The following LOC122539214 variants were observed in gnomAD, a reference collection of about 807,000 sequenced individuals.
At chr19:52,677,306 TAAAAAA>T in the LOC122539214 span, among the ~76,000 whole-genome samples, 4 of 106,464 alleles carry the variant, frequency 3.8e-5, no homozygotes, top group African/African-American at 9.5e-5. Flanking sequence ...AATTGAGAAG[TAAAAAA>T]AAAAAAAAAA....
At chr19:52,676,666 C>T in the LOC122539214 span, among the ~76,000 whole-genome samples, 2 of 139,398 alleles carry the variant, frequency 1.4e-5, no homozygotes, top group South Asian at 4.5e-4. Context: ...ATGACAATGG[C>T]GGCTTTGTGG....
chr19:52,654,403 T>C, the LOC122539214 span: 2 of 1,122,872 alleles, frequency 1.8e-6, no homozygotes, highest in African/African-American at 1.6e-5. Flanking sequence ...TAAAGAGCTA[T>C]CTAAAAAATA....
the LOC122539214 span, among the ~76,000 whole-genome samples, chr19:52,670,816 ACAGGTAAATTT>A: frequency 1.7e-4 from 26 of 152,320 alleles, no homozygotes; most frequent in East Asian, 4.6e-3. Flanking sequence ...CTTCCAGGCT[ACAGGTAAATTT>A]AAACATTTTC....
the LOC122539214 span, among the ~76,000 whole-genome samples, chr19:52,662,728 T>C: frequency 6.6e-6 from 1 of 152,092 alleles, no homozygotes; most frequent in African/African-American, 2.4e-5. Context: ...ATATTACAGA[T>C]GGGGGTCACT....
At chr19:52,653,379 G>T in the LOC122539214 span, 1 of 1,051,800 alleles carries the variant, frequency 9.5e-7, no homozygotes, top group South Asian at 1.3e-5. Context: ...GGAAAACCTT[G>T]CCACATTCAT....
chr19:52,687,840 T>A, the LOC122539214 span, among the ~76,000 whole-genome samples: 879 of 149,634 alleles, frequency 5.9e-3, 6 homozygotes, highest in African/African-American at 0.02. Flanking sequence ...ATTAATTAAT[T>A]AAATTAAAAG....
At chr19:52,684,555 AG>A in the LOC122539214 span, among the ~76,000 whole-genome samples, 19,966 of 140,088 alleles carry the variant, frequency 0.14, 1,768 homozygotes, top group African/African-American at 0.22. Flanking sequence ...GTCTAAAAAA[AG>A]AAAAAAAAAG....
chr19:52,685,491 A>T, the LOC122539214 span, among the ~76,000 whole-genome samples: 1 of 152,180 alleles, frequency 6.6e-6, no homozygotes, highest in African/African-American at 2.4e-5. Context: ...TTAAAAAAAA[A>T]TCACAGTCAC....
chr19:52,677,130 A>G, the LOC122539214 span, among the ~76,000 whole-genome samples: 1 of 44,640 alleles, frequency 2.2e-5, no homozygotes, highest in African/African-American at 2.9e-4. Context: ...CAATTAAAAA[A>G]AAAAAGAAAA....
At chr19:52,681,729 C>G in the LOC122539214 span, among the ~76,000 whole-genome samples, 1 of 152,200 alleles carries the variant, frequency 6.6e-6, no homozygotes. Context: ...CAAAACTAAA[C>G]TGACACAGGT....
chr19:52,664,636 G>C, the LOC122539214 span, among the ~76,000 whole-genome samples: 71 of 152,108 alleles, frequency 4.7e-4, no homozygotes, highest in African/African-American at 1.7e-3. Flanking sequence ...AGCCAGGACT[G>C]GGGGGTGGAA....
the LOC122539214 span, among the ~76,000 whole-genome samples, chr19:52,669,098 T>C: frequency 6.6e-6 from 1 of 152,230 alleles, no homozygotes; most frequent in Admixed American, 6.5e-5. Context: ...AGCAGATGCA[T>C]AGTGGTATTA....
At chr19:52,666,015 T>A in the LOC122539214 span, among the ~76,000 whole-genome samples, 2 of 141,424 alleles carry the variant, frequency 1.4e-5, no homozygotes, top group African/African-American at 5.5e-5. Context: ...AAAAAAAAAA[T>A]TAGCCGGGCA....
the LOC122539214 span, among the ~76,000 whole-genome samples, chr19:52,665,191 C>A: frequency 6.6e-6 from 1 of 152,044 alleles, no homozygotes; most frequent in African/African-American, 2.4e-5. Flanking sequence ...TTTCCTAGAG[C>A]CACTGCCTGG....
At chr19:52,664,588 A>T in the LOC122539214 span, among the ~76,000 whole-genome samples, 1 of 152,168 alleles carries the variant, frequency 6.6e-6, no homozygotes, top group African/African-American at 2.4e-5. Flanking sequence ...AGTCCACGCC[A>T]TCTGCTTCTG....
the LOC122539214 span, among the ~76,000 whole-genome samples, chr19:52,687,616 G>GTATATATATATATAATGTGTATATATA: frequency 1.3e-4 from 2 of 15,822 alleles, no homozygotes; most frequent in East Asian, 1.3e-3. Flanking sequence ...TATATAATGT[G>GTATATATATATATAATGTGTATATATA]TATATATATA....
the LOC122539214 span, among the ~76,000 whole-genome samples, chr19:52,677,469 G>A: frequency 6.6e-6 from 1 of 151,988 alleles, no homozygotes; most frequent in Non-Finnish European, 1.5e-5. Context: ...ATGGGTGACA[G>A]AGTGAGACTC....
At chr19:52,657,178 G>GCAAT in the LOC122539214 span, among the ~76,000 whole-genome samples, 3 of 152,014 alleles carry the variant, frequency 2.0e-5, no homozygotes, top group Non-Finnish European at 4.4e-5. Flanking sequence ...AATCATAAAT[G>GCAAT]CAATGCATGA....
At chr19:52,653,955 G>A in the LOC122539214 span, 2 of 1,248,644 alleles carry the variant, frequency 1.6e-6, no homozygotes, top group Non-Finnish European at 2.3e-6. Flanking sequence ...ATGAAGAATG[G>A]AGAAAGTTCT....
Sources: gnomAD v4.1 joint callset for allele counts (sites outside exome capture counted in the v4.1 genomes callset) on GRCh38, gnomAD v4.1.1 for gene constraint, MANE v1.5 for transcripts.